The following CGNL1 variants were observed in gnomAD, a reference collection of about 807,000 sequenced individuals.
CGNL1 encodes cingulin-like protein 1.
Under a neutral mutation model 141.2 loss-of-function variants are expected in CGNL1, and 132 were observed. The ratio of observed to expected loss-of-function variants is 0.93; its 90% confidence interval spans 0.81 to 1.08. CGNL1 has a LOEUF of 1.08. CGNL1 is among the 50% of genes least tolerant of loss of function. The probability of loss-of-function intolerance (pLI) is 0.00; values close to 1 mark genes in which losing one functional copy is unlikely to be tolerated. For synonymous variants in CGNL1, 690 were observed against 622.1 expected, an observed-to-expected ratio of 1.11 and a Z score of -1.63; for missense variants, 1,870 against 1,588.6, an observed-to-expected ratio of 1.18 and a Z score of -3.01.
Position 57,490,152 on chromosome 15 carries a change from G to T in CGNL1, c.2404-26628G>T, listed in dbSNP as rs567182720. Among the ~76,000 whole-genome samples the T allele has an allele frequency of 2.2e-4, 33 of 152,192 alleles. 1 individual carries two copies. The highest frequency in any genetic ancestry group is 2.1e-3 in the Admixed American group (32 of 15,290). ...AATGAAAATAAGCAATAAAAATCAG[G>T]AATTCTCATAGTGGCTGTGTTACTC... On this transcript the variant is annotated intron_variant, in intron 8 of 18. Transcript: ENST00000281282.
chr15:57,546,520 G>A (rs1171435148), intron 18 of CGNL1, among the ~76,000 whole-genome samples: 1 of 152,196 alleles, frequency 6.6e-6, no homozygotes, highest in Non-Finnish European at 1.5e-5. Context: ...GCTTAGGGCA[G>A]ATAAGACTAG....
chr15:57,470,396 GC>G (rs1345525136), intron 8 of CGNL1, among the ~76,000 whole-genome samples: 7 of 151,746 alleles, frequency 4.6e-5, no homozygotes, highest in African/African-American at 1.5e-4. Flanking sequence ...CCCATCACAG[GC>G]CCAGTGCCCC....
At chr15:57,544,344 G>C in intron 15 of CGNL1, 129 bp from the exon 16 acceptor site, 4 of 1,129,736 alleles carry the variant, frequency 3.5e-6, no homozygotes, top group Non-Finnish European at 3.8e-6. Flanking sequence ...CCAGGCCACA[G>C]GCCCTGGTGT....
At chr15:57,439,924 CAG>C (rs1260371171) in intron 2 of CGNL1, among the ~76,000 whole-genome samples, 1 of 152,114 alleles carries the variant, frequency 6.6e-6, no homozygotes, top group Non-Finnish European at 1.5e-5. Flanking sequence ...TGTTTCTACA[CAG>C]AGGCTGAATA....
At position 57,439,102 on chromosome 15, in the gene CGNL1, G is replaced by T; in HGVS notation, c.1103G>T (p.Arg368Ile). Residue 368 changes from arginine (R) to isoleucine (I), a missense_variant, in exon 2 of 19, where the codon AGA (arginine) becomes ATA (isoleucine). Transcript: ENST00000281282. Reference sequence around the variant, plus strand: ...TTTGATCAAAAACCTGGGCTTCAGAGAAGAGGAAGGTCTGGGAAGCGAAAC... The same window carrying T: ...TTTGATCAAAAACCTGGGCTTCAGATAAGAGGAAGGTCTGGGAAGCGAAAC... The part of the protein sequence containing the change: ...EKFDQKPGLQ[R>I]RGRSGKRNRI... The T allele has an allele frequency of 6.2e-7, 1 of 1,614,218 alleles. No individual in the cohort carries two copies.
chr15:57,509,429 G>C (rs2030027801), intron 8 of CGNL1, among the ~76,000 whole-genome samples: 1 of 148,802 alleles, frequency 6.7e-6, no homozygotes, highest in African/African-American at 2.6e-5. Flanking sequence ...TCGGCACTAG[G>C]ACAAGCAGGA....
intron 8 of CGNL1, among the ~76,000 whole-genome samples, chr15:57,504,297 G>C (rs1456698579): frequency 6.6e-6 from 1 of 152,206 alleles, no homozygotes; most frequent in African/African-American, 2.4e-5. Context: ...CTCAGTAAAA[G>C]GTAGTTGACG....
At position 57,543,238 on chromosome 15, in the gene CGNL1, A is replaced by G. The variant is rs184094616; in HGVS notation, c.3292-458A>G. Among the ~76,000 whole-genome samples the G allele has an allele frequency of 9.8e-5, 10 of 101,710 alleles. 1 individual carries two copies. In the East Asian group the frequency reaches 2.9e-3, roughly 30 times the overall value. 66.7% of individuals were successfully genotyped at this position (101,710 alleles called of 152,430 possible). On this transcript the variant is annotated intron_variant, in intron 14 of 18. Transcript: ENST00000281282. ...CCTCCATCTCCACTTCCCTGTGTCC[A>G]TCTTCACGTGGCCGTCTTCCCTGTG...
intron 8 of CGNL1, among the ~76,000 whole-genome samples, chr15:57,496,667 G>C (rs1358707867): frequency 3.9e-5 from 6 of 152,150 alleles, no homozygotes; most frequent in Non-Finnish European, 5.9e-5. Context: ...TAGTTGGGGT[G>C]GTAGGTGGTA....
chr15:57,471,768 T>C (rs2063584948), intron 8 of CGNL1, among the ~76,000 whole-genome samples: 1 of 152,238 alleles, frequency 6.6e-6, no homozygotes, highest in Non-Finnish European at 1.5e-5. Flanking sequence ...GTCTAACTGT[T>C]GGGAATGGAT....
chr15:57,454,731 C>G (rs1353723648), intron 7 of CGNL1, among the ~76,000 whole-genome samples: 1 of 152,182 alleles, frequency 6.6e-6, no homozygotes, highest in Non-Finnish European at 1.5e-5. Flanking sequence ...TTGTTCCTTA[C>G]CAACTGGGAT....
At chr15:57,425,509 A>G in intron 1 of CGNL1, among the ~76,000 whole-genome samples, 1 of 152,220 alleles carries the variant, frequency 6.6e-6, no homozygotes, top group East Asian at 1.9e-4. Context: ...TTGGGAGGCC[A>G]AGGTGGGCGG....
intron 8 of CGNL1, among the ~76,000 whole-genome samples, chr15:57,507,977 T>C (rs2152395998): frequency 6.6e-6 from 1 of 152,354 alleles, no homozygotes; most frequent in South Asian, 2.1e-4. Context: ...GTCGTCATCA[T>C]ACATGAATTG....
At chr15:57,507,659 C>T (rs1368451425) in intron 8 of CGNL1, among the ~76,000 whole-genome samples, 3 of 152,306 alleles carry the variant, frequency 2.0e-5, no homozygotes, top group African/African-American at 7.2e-5. Context: ...ACAAGTACGG[C>T]AGGTTAATGA....
At chr15:57,387,232 T>C (rs912347221) in intron 1 of CGNL1, among the ~76,000 whole-genome samples, 2 of 152,240 alleles carry the variant, frequency 1.3e-5, no homozygotes, top group African/African-American at 4.8e-5. Flanking sequence ...CTTAGCATAA[T>C]GTTTTCAAGG....
intron 1 of CGNL1, among the ~76,000 whole-genome samples, chr15:57,388,937 G>A (rs1261778623): frequency 6.6e-6 from 1 of 152,130 alleles, no homozygotes; most frequent in Non-Finnish European, 1.5e-5. Flanking sequence ...TTTTTCCATT[G>A]TCCTTTAGAG....
At position 57,405,935 on chromosome 15, in the gene CGNL1, C is replaced by A. The variant is rs957292243; in HGVS notation, c.-16+29368C>A. The A allele has an allele frequency of 2.0e-5, 3 of 151,162 alleles. No individual in the cohort carries two copies. The East Asian group carries it at 5.8e-4, about 29-fold the overall frequency. The allele number at this position is 151,162 out of a possible 1,614,324, so 9.4% of individuals were successfully genotyped here. On this transcript the variant is annotated intron_variant, in intron 1 of 18. Coordinates refer to ENST00000281282, the MANE Select transcript of CGNL1 (RefSeq NM_032866.5). ...GTGGGGCTACAACTTATGCTTAATA[C>A]AAATAAATGCCTTTTATTCATTTAA...
chr15:57,527,312 A>C (rs2031674997), intron 12 of CGNL1: 1 of 152,276 alleles, frequency 6.6e-6, no homozygotes. Context: ...CGGGTTCTCC[A>C]AAGCTGTCCT....
At chr15:57,451,663 T>A in intron 5 of CGNL1, 62 bp downstream of exon 5, 1 of 1,250,402 alleles carries the variant, frequency 8.0e-7, no homozygotes, top group Non-Finnish European at 1.1e-6. Context: ...AAGAATATTT[T>A]ACATGCATTG....
Sources: gnomAD v4.1 joint callset for allele counts (sites outside exome capture counted in the v4.1 genomes callset) on GRCh38, gnomAD v4.1.1 for gene constraint, MANE v1.5 for transcripts, NCBI Gene and HGNC (gene_info 2026-07-23, HGNC 2026-07-21) for gene names.